Variants in CMTM1 observed in about 807,000 individuals in gnomAD.
CMTM1 encodes CKLF like MARVEL transmembrane domain containing 1, also known as CKLF-like MARVEL transmembrane domain-containing protein 1.
Under a neutral mutation model 17.8 loss-of-function variants are expected in CMTM1, and 16 were observed. The observed-to-expected ratio is 0.90, with a 90% confidence interval of 0.61 to 1.37. CMTM1 has a LOEUF of 1.37. Ranked by LOEUF, CMTM1 falls within the 40% of genes most tolerant of loss-of-function variation. The probability of loss-of-function intolerance (pLI) is 0.00; values close to 1 mark genes in which losing one functional copy is unlikely to be tolerated. For missense variants in CMTM1, 354 were observed against 375.6 expected (o/e 0.94, Z 0.47); for synonymous variants, 169 against 154.6 (o/e 1.09, Z -0.69).
intron 1 of CMTM1, among the ~76,000 whole-genome samples, chr16:66,568,467 G>A (rs1202597095): frequency 6.6e-6 from 1 of 152,084 alleles, no homozygotes; most frequent in Non-Finnish European, 1.5e-5. Context: ...TTCAAACTAA[G>A]AGTCAGCATA....
chr16:66,574,897 C>G (rs7188454), intron 2 of CMTM1: 32 of 936,464 alleles, frequency 3.4e-5, no homozygotes, highest in Non-Finnish European at 3.6e-5. Context: ...TTGTAAGAAT[C>G]CTTGTTCACA....
At chr16:66,576,747 C>T (rs2014298428) in intron 2 of CMTM1, among the ~76,000 whole-genome samples, 1 of 152,046 alleles carries the variant, frequency 6.6e-6, no homozygotes, top group Non-Finnish European at 1.5e-5. Context: ...ATAAGACTTC[C>T]CAAAAAAAAT....
intron 1 of CMTM1, among the ~76,000 whole-genome samples, chr16:66,567,616 G>A (rs1422269693): frequency 6.6e-6 from 1 of 152,112 alleles, no homozygotes; most frequent in East Asian, 1.9e-4. Flanking sequence ...AAGCAATGAA[G>A]ATAATAGGAA....
intron 2 of CMTM1, among the ~76,000 whole-genome samples, chr16:66,571,948 C>T (rs2013607745): frequency 6.6e-6 from 1 of 152,242 alleles, no homozygotes; most frequent in East Asian, 1.9e-4. Context: ...ACAGTGGTCA[C>T]AGGAAGTTCA....
At chr16:66,570,361 T>A (rs2013323740) in intron 2 of CMTM1, among the ~76,000 whole-genome samples, 2 of 152,166 alleles carry the variant, frequency 1.3e-5, no homozygotes, top group Non-Finnish European at 2.9e-5. Context: ...CCTAAAAAAA[T>A]ATATATACTT....
chr16:66,569,882 A>C (rs1427073173), intron 1 of CMTM1, 54 bp from the exon 2 acceptor site: 3 of 1,348,722 alleles, frequency 2.2e-6, no homozygotes, highest in Admixed American at 2.2e-5. Context: ...CATTCTGACA[A>C]TGTAGATTTT....
At chr16:66,568,322 A>G (rs755707983) in intron 1 of CMTM1, among the ~76,000 whole-genome samples, 2 of 152,228 alleles carry the variant, frequency 1.3e-5, no homozygotes, top group African/African-American at 2.4e-5. Flanking sequence ...GATTATATCT[A>G]TCACATTATA....
chr16:66,567,880 C>A (rs1009723372), intron 1 of CMTM1, among the ~76,000 whole-genome samples: 4 of 152,086 alleles, frequency 2.6e-5, no homozygotes, highest in African/African-American at 9.7e-5. Context: ...ATGTAAATCA[C>A]CAAAACTGAT....
At chr16:66,568,162 C>T (rs1163374524) in intron 1 of CMTM1, among the ~76,000 whole-genome samples, 1 of 152,198 alleles carries the variant, frequency 6.6e-6, no homozygotes. Context: ...GTAGAGATCT[C>T]ACTTGCATCA....
At chr16:66,570,870 T>C (rs141313768) in intron 2 of CMTM1, among the ~76,000 whole-genome samples, 182 of 152,274 alleles carry the variant, frequency 1.2e-3, no homozygotes, top group Non-Finnish European at 2.2e-3. Flanking sequence ...GCCAATAACA[T>C]AGTATGTGAC....
intron 1 of CMTM1, among the ~76,000 whole-genome samples, chr16:66,567,774 A>G (rs1053233259): frequency 2.0e-5 from 3 of 152,254 alleles, no homozygotes; most frequent in African/African-American, 7.2e-5. Context: ...AGAAGGGGAA[A>G]ATAATCACAA....
At position 66,570,064 on chromosome 16, in the gene CMTM1, C is replaced by G. The variant is rs753064838; in HGVS notation, c.561C>G (p.His187Gln). Residue 187 changes from histidine (H) to glutamine (Q), a missense_variant, in exon 2 of 4, where the codon CAC (histidine) becomes CAG (glutamine). Physicochemically the swap from His to Gln is conservative, Grantham distance 24. Coordinates refer to ENST00000379500, the MANE Select transcript of CMTM1 (RefSeq NM_052999.4). ...TAATATATGTGCTAACCCTTCACCA[C>G]TTGCTGACCTATTTACATTGGCCCT... ...FILIYVLTLH[H>Q]LLTYLHWPLL... 3 of 1,604,756 alleles carry G rather than the reference C, an allele frequency of 1.9e-6. No homozygotes were observed. In the African/African-American group the frequency reaches 4.0e-5, roughly 22 times the overall value.
At chr16:66,575,040 C>T in intron 2 of CMTM1, 1 of 985,486 alleles carries the variant, frequency 1.0e-6, no homozygotes, top group Non-Finnish European at 1.2e-6. Context: ...CCAGCTGGGA[C>T]TTACTTCCAA....
rs895448060 is a variant in CMTM1, at chr16:66,566,607, A to G, written c.94A>G (p.Ser32Gly). The change falls in exon 1 of 4, where the codon AGC becomes GGC. Residue 32 changes from serine (S) to glycine (G), a missense_variant. Coordinates refer to ENST00000379500, the MANE Select transcript of CMTM1 (RefSeq NM_052999.4). The surrounding 1 kb of genome is among the most constrained non-coding windows in gnomAD (Gnocchi z 4.9). ...ETAAALASSG[S>G]VVSSVPKAQR... ...TGCCGCAGCCCTGGCAAGTAGCGGC[A>G]GCGTAGTGAGTTCTGTACCCAAGGC... is the stretch of plus-strand genomic sequence containing the variant. 1.7e-5 allele frequency: 28 copies of G among 1,613,926 alleles called. No homozygotes were observed. Among genetic ancestry groups the G allele is most frequent in the Non-Finnish European group, 1.7e-6 (2 of 1,179,984 alleles).
chr16:66,574,682 G>C (rs1370497500), intron 2 of CMTM1, among the ~76,000 whole-genome samples: 1 of 152,190 alleles, frequency 6.6e-6, no homozygotes, highest in African/African-American at 2.4e-5. Flanking sequence ...ATTATGACAG[G>C]AAGTCAAAGA....
intron 2 of CMTM1, chr16:66,575,357 A>T: frequency 2.6e-6 from 1 of 384,100 alleles, no homozygotes; most frequent in Non-Finnish European, 3.6e-6. Flanking sequence ...CATTATCCCC[A>T]TATTACAAAT....
rs2012443545 is a variant in CMTM1 at position 66,566,731 on chromosome 16, A to G, written c.218A>G (p.Glu73Gly). ...SAAAARPQGS[E>G]GTAPSRKATT... ...GCCGCCGCACGTCCCCAAGGCAGTG[A>G]GGGCACCGCACCCTCAAGGAAAGCC... Residue 73 changes from glutamate to glycine, a missense_variant, in exon 1 of 4, where the codon GAG becomes GGG. Physicochemically the swap from Glu to Gly is moderately conservative, Grantham distance 98. Transcript: ENST00000379500. The surrounding 1 kb of genome is among the most constrained non-coding windows in gnomAD (Gnocchi z 4.9). 2 of 1,613,838 alleles carry G rather than the reference A, an allele frequency of 1.2e-6. No individual in the cohort carries two copies. The highest frequency in any genetic ancestry group is 1.3e-5 in the African/African-American group (1 of 74,908).
intron 3 of CMTM1, among the ~76,000 whole-genome samples, chr16:66,578,134 C>T (rs1394718333): frequency 6.6e-6 from 1 of 152,190 alleles, no homozygotes; most frequent in African/African-American, 2.4e-5. Flanking sequence ...TCTGTGCCAT[C>T]AGCCCCTGGT....
chr16:66,572,528 T>A (rs1332745843), intron 2 of CMTM1, among the ~76,000 whole-genome samples: 1 of 152,140 alleles, frequency 6.6e-6, no homozygotes, highest in Non-Finnish European at 1.5e-5. Flanking sequence ...CTTCAGAAGG[T>A]AGGCAGGCTT....
Sources: gnomAD v4.1 joint callset for allele counts (sites outside exome capture counted in the v4.1 genomes callset) on GRCh38, gnomAD v4.1.1 for gene constraint, Gnocchi (gnomAD v3.1) non-coding constraint, MANE v1.5 for transcripts, NCBI Gene and HGNC (gene_info 2026-07-23, HGNC 2026-07-21) for gene names.